The following NOL10 variants were observed in gnomAD, a reference collection of about 807,000 sequenced individuals.
NOL10 encodes the protein H_NH0074G24.1.
A neutral mutation model predicts 103.5 loss-of-function variants in NOL10; 58 were observed. The ratio of observed to expected loss-of-function variants is 0.56; its 90% confidence interval spans 0.45 to 0.70. The LOEUF is 0.70. NOL10 is among the 30% of genes least tolerant of loss of function. The pLI is 0.00. For synonymous variants in NOL10, 287 were observed against 282.5 expected, an observed-to-expected ratio of 1.02 and a Z score of -0.16; for missense variants, 763 against 807.3, an observed-to-expected ratio of 0.95 and a Z score of 0.67.
At chr2:10,666,961 T>G (rs1010644506) in intron 8 of NOL10, among the ~76,000 whole-genome samples, 1 of 152,224 alleles carries the variant, frequency 6.6e-6, no homozygotes, top group Non-Finnish European at 1.5e-5. Flanking sequence ...GTATTTATCA[T>G]TATTTTAAGT....
chr2:10,572,054 T>C lies in NOL10; in HGVS notation c.*17A>G, dbSNP rs760931077. On this transcript the variant is annotated 3_prime_UTR_variant, in exon 21 of 21. Transcript: ENST00000381685. ...AGACGTACCCCTCCCTAATCACAGG[T>C]AGGACCACTTCCCAAATCAATGAAA... 1.2e-6 allele frequency: 2 copies of C among 1,612,904 alleles called. No individual in the cohort carries two copies. The highest frequency in any genetic ancestry group is 1.7e-6 in the Non-Finnish European group (2 of 1,179,720).
At chr2:10,577,857 TATCA>T in intron 19 of NOL10, 119 bp from the exon 20 acceptor site, 2 of 649,990 alleles carry the variant, frequency 3.1e-6, no homozygotes, top group South Asian at 1.9e-5. Flanking sequence ...AAACAGAAAA[TATCA>T]TTCATTTAAC....
chr2:10,604,495 T>C (rs1480273246), intron 14 of NOL10, among the ~76,000 whole-genome samples: 1 of 152,124 alleles, frequency 6.6e-6, no homozygotes, highest in Non-Finnish European at 1.5e-5. Flanking sequence ...TTAATAAAAA[T>C]ATGGGGTTTG....
chr2:10,599,419 T>A (rs1675861983), intron 17 of NOL10, among the ~76,000 whole-genome samples: 1 of 152,230 alleles, frequency 6.6e-6, no homozygotes, highest in Non-Finnish European at 1.5e-5. Flanking sequence ...TCAGTGTGAA[T>A]ACTCTGAGGA....
intron 13 of NOL10, among the ~76,000 whole-genome samples, chr2:10,627,201 T>C (rs372220858): frequency 1.3e-5 from 2 of 152,330 alleles, no homozygotes; most frequent in Middle Eastern, 3.4e-3. Context: ...TTCATAGTTA[T>C]GAATATATAA....
At chr2:10,620,532 T>C (rs985329764) in intron 13 of NOL10, among the ~76,000 whole-genome samples, 4 of 152,152 alleles carry the variant, frequency 2.6e-5, no homozygotes, top group Non-Finnish European at 4.4e-5. Flanking sequence ...AGATTTCCCA[T>C]ATGTTCCCCC....
chr2:10,668,661 G>A lies in NOL10; in HGVS notation c.527C>T (p.Ala176Val). 1.3e-6 allele frequency: 2 copies of A among 1,509,418 alleles called. No homozygotes were observed. The highest frequency in any genetic ancestry group is 1.8e-6 in the Non-Finnish European group (2 of 1,103,862). 93.5% of individuals were successfully genotyped at this position (1,509,418 alleles called of 1,614,324 possible). The change falls in exon 7 of 21, where the codon GCT becomes GTT. Residue 176 changes from alanine (A) to valine (V), a missense_variant. Transcript: ENST00000381685. ...GRYLNPLQTD[A>V]AENNVCDINS... The stretch of plus-strand genomic sequence containing the variant: ...CAGAATTACTAAAACTACTCACGCA[G>A]CATCAGTTTGTAGAGGATTCAGGTA...
intron 19 of NOL10, among the ~76,000 whole-genome samples, chr2:10,581,244 A>G (rs1006705064): frequency 1.3e-5 from 2 of 148,980 alleles, no homozygotes; most frequent in Middle Eastern, 3.5e-3. Context: ...AAAGTGCTCA[A>G]GCCTTTTTGG....
intron 5 of NOL10, among the ~76,000 whole-genome samples, chr2:10,672,622 T>C (rs1251388296): frequency 6.6e-6 from 1 of 152,222 alleles, no homozygotes; most frequent in East Asian, 1.9e-4. Context: ...AAGATGCCAT[T>C]TGACATCACT....
At chr2:10,680,123 A>G (rs1286942631) in intron 3 of NOL10, among the ~76,000 whole-genome samples, 2 of 151,890 alleles carry the variant, frequency 1.3e-5, no homozygotes, top group Non-Finnish European at 2.9e-5. Flanking sequence ...AAAAAAATAC[A>G]GACATTAGCC....
intron 13 of NOL10, among the ~76,000 whole-genome samples, chr2:10,641,994 A>G (rs1320763275): frequency 6.6e-6 from 1 of 152,228 alleles, no homozygotes; most frequent in East Asian, 1.9e-4. Flanking sequence ...CAAGGCATGG[A>G]CAGGCACTTG....
rs149627231 is a variant in NOL10 at position 10,675,759 on chromosome 2, C to G, written c.289+35G>C. On this transcript the variant is annotated intron_variant, in intron 4 of 20. Coordinates refer to ENST00000381685, the MANE Select transcript of NOL10 (RefSeq NM_024894.4). ...CAGAAAAGCAGACAACATAAAAAGC[C>G]ATTTTCATGAATTCAAATTTAGCTT... is the stretch of plus-strand genomic sequence containing the variant. 4.4e-4 allele frequency: 546 copies of G among 1,238,782 alleles called. 3 individuals carry two copies. In the African/African-American group the frequency reaches 7.0e-3, roughly 16 times the overall value. The allele number at this position is 1,238,782 out of a possible 1,614,324, so 76.7% of individuals were successfully genotyped here.
intron 12 of NOL10, among the ~76,000 whole-genome samples, chr2:10,644,727 G>A (rs954613190): frequency 2.6e-5 from 4 of 152,178 alleles, no homozygotes; most frequent in African/African-American, 4.8e-5. Flanking sequence ...TGAACCAACA[G>A]GGTGGTTAAT....
At chr2:10,685,851 C>G (rs1015394039) in intron 1 of NOL10, among the ~76,000 whole-genome samples, 1 of 151,526 alleles carries the variant, frequency 6.6e-6, no homozygotes, top group Non-Finnish European at 1.5e-5. Context: ...ATCACTTGAG[C>G]CCAGGAGTTC....
chr2:10,630,835 T>C (rs1677795677), intron 13 of NOL10, among the ~76,000 whole-genome samples: 1 of 152,220 alleles, frequency 6.6e-6, no homozygotes, highest in Non-Finnish European at 1.5e-5. Flanking sequence ...AAGCTTCCCC[T>C]TTCCTTTAAA....
At chr2:10,679,359 CAAAA>C (rs535159833) in intron 3 of NOL10, among the ~76,000 whole-genome samples, 2 of 109,384 alleles carry the variant, frequency 1.8e-5, no homozygotes. Context: ...AACTCTGCCT[CAAAA>C]AAAAAAAAAA....
chr2:10,571,870 G>T lies in NOL10; in HGVS notation c.*201C>A. On this transcript the variant is annotated 3_prime_UTR_variant, in exon 21 of 21. Transcript: ENST00000381685. ...AGCAACGACTCGCAAGCACACCCCT[G>T]GGGCTGTGCGGTGGCCGTCGGCGGG... The T allele has an allele frequency of 1.8e-6, 1 of 561,246 alleles. No homozygotes were observed. 34.8% of individuals were successfully genotyped at this position (561,246 alleles called of 1,614,324 possible).
chr2:10,667,092 C>A, intron 8 of NOL10, 126 bp downstream of exon 8: 2 of 661,234 alleles, frequency 3.0e-6, no homozygotes, highest in South Asian at 3.6e-5. Context: ...TGTTACTCTA[C>A]AGGATGTTCA....
chr2:10,655,393 A>G (rs189282093), intron 11 of NOL10, among the ~76,000 whole-genome samples: 1 of 152,320 alleles, frequency 6.6e-6, no homozygotes, highest in Admixed American at 6.5e-5. Flanking sequence ...CCTGCACCGC[A>G]AGGTTTCGAG....
Sources: gnomAD v4.1 joint callset for allele counts (sites outside exome capture counted in the v4.1 genomes callset) on GRCh38, gnomAD v4.1.1 for gene constraint, MANE v1.5 for transcripts, NCBI Gene and HGNC (gene_info 2026-07-23, HGNC 2026-07-21) for gene names.